Variants in CACNA2D1 observed in about 807,000 individuals in gnomAD.
The protein encoded by CACNA2D1 is voltage-dependent calcium channel subunit alpha-2/delta-1.
A neutral mutation model predicts 171.5 loss-of-function variants in CACNA2D1; 53 were observed. The ratio of observed to expected loss-of-function variants is 0.31; its 90% confidence interval spans 0.25 to 0.39. CACNA2D1 has a LOEUF of 0.39. CACNA2D1 is among the 10% of genes least tolerant of loss of function. The probability of loss-of-function intolerance (pLI) is 1.00; values close to 1 mark genes in which losing one functional copy is unlikely to be tolerated. For missense variants in CACNA2D1, 903 were observed against 1,299.8 expected, an observed-to-expected ratio of 0.69 and a Z score of 4.69; for synonymous variants, 442 against 443.1, an observed-to-expected ratio of 1.00 and a Z score of 0.03.
intron 3 of CACNA2D1, among the ~76,000 whole-genome samples, chr7:82,181,996 T>C (rs1488385696): frequency 6.6e-6 from 1 of 152,202 alleles, no homozygotes; most frequent in Non-Finnish European, 1.5e-5. Context: ...ATTAACAAAA[T>C]TTCATTTTGT....
intron 6 of CACNA2D1, among the ~76,000 whole-genome samples, chr7:82,092,861 C>T (rs377528725): frequency 4.0e-5 from 6 of 151,238 alleles, no homozygotes; most frequent in African/African-American, 1.5e-4. Flanking sequence ...TTCATTTAGA[C>T]CTTAAAAAGA....
chr7:82,159,408 G>C (rs192958182), intron 4 of CACNA2D1, among the ~76,000 whole-genome samples: 73 of 151,842 alleles, frequency 4.8e-4, no homozygotes, highest in Non-Finnish European at 8.6e-4. Context: ...AGCTACCTCA[G>C]CATCTTCTCC....
At chr7:82,136,916 A>T (rs1791687163) in intron 4 of CACNA2D1, among the ~76,000 whole-genome samples, 1 of 152,204 alleles carries the variant, frequency 6.6e-6, no homozygotes, top group Non-Finnish European at 1.5e-5. Context: ...CCCATTTGTC[A>T]AGAAAAAAAT....
chr7:82,134,165 G>A (rs919518422), intron 5 of CACNA2D1, among the ~76,000 whole-genome samples: 2 of 152,018 alleles, frequency 1.3e-5, no homozygotes, highest in African/African-American at 4.8e-5. Flanking sequence ...CTTATAGTAG[G>A]GTAAAAGTCA....
chr7:81,970,512 GAAATA>G (rs1440939923), intron 27 of CACNA2D1, among the ~76,000 whole-genome samples, 158 bp downstream of exon 27: 1 of 151,468 alleles, frequency 6.6e-6, no homozygotes, highest in African/African-American at 2.4e-5. Flanking sequence ...ATTTTTCAGA[GAAATA>G]AAATCTTTTA....
chr7:81,982,037 T>C (rs1205246337), intron 24 of CACNA2D1, among the ~76,000 whole-genome samples: 2 of 152,208 alleles, frequency 1.3e-5, no homozygotes, highest in African/African-American at 4.8e-5. Flanking sequence ...CACAATTTTC[T>C]ATTACTGTTG....
intron 22 of CACNA2D1, among the ~76,000 whole-genome samples, chr7:81,984,090 G>C (rs556863674): frequency 1.3e-4 from 20 of 152,160 alleles, no homozygotes; most frequent in African/African-American, 4.3e-4. Context: ...GCATTACTGA[G>C]ACATTAATTT....
At chr7:82,439,267 T>C (rs1328254762) in intron 1 of CACNA2D1, among the ~76,000 whole-genome samples, 2 of 152,086 alleles carry the variant, frequency 1.3e-5, no homozygotes, top group Non-Finnish European at 2.9e-5. Context: ...TACTCCTATA[T>C]ATACTAAATT....
chr7:82,397,746 C>A (rs1012360424), intron 1 of CACNA2D1, among the ~76,000 whole-genome samples: 3 of 152,156 alleles, frequency 2.0e-5, no homozygotes, highest in Admixed American at 1.3e-4. Flanking sequence ...CCCATTTAAT[C>A]ATCGTTACCA....
chr7:82,349,023 C>T (rs945605644), intron 2 of CACNA2D1, among the ~76,000 whole-genome samples: 10 of 152,058 alleles, frequency 6.6e-5, no homozygotes, highest in East Asian at 1.9e-4. Flanking sequence ...ATAGCTAATT[C>T]ATAAGTCACA....
chr7:82,005,731 A>G, intron 17 of CACNA2D1, 34 bp downstream of exon 17: 1 of 1,375,630 alleles, frequency 7.3e-7, no homozygotes, highest in Non-Finnish European at 1.0e-6. Context: ...GTTCTAAACT[A>G]GAAAGGGTAT....
At chr7:82,401,730 A>G (rs1018225979) in intron 1 of CACNA2D1, among the ~76,000 whole-genome samples, 3 of 152,132 alleles carry the variant, frequency 2.0e-5, no homozygotes, top group Non-Finnish European at 4.4e-5. Flanking sequence ...AAAAGAAATG[A>G]AAAGATAAAT....
At chr7:82,184,161 G>A (rs530262467) in intron 3 of CACNA2D1, among the ~76,000 whole-genome samples, 49 of 132,766 alleles carry the variant, frequency 3.7e-4, no homozygotes, top group East Asian at 3.4e-3. Flanking sequence ...TGGAAACATC[G>A]GTTTCCTCTT....
At chr7:82,192,446 ATG>A (rs1798400677) in intron 3 of CACNA2D1, among the ~76,000 whole-genome samples, 1 of 128,782 alleles carries the variant, frequency 7.8e-6, no homozygotes, top group African/African-American at 3.0e-5. Context: ...GTGTGTGTGT[ATG>A]TGTGTTTGTG....
chr7:82,179,575 T>A (rs2129166609), intron 3 of CACNA2D1, among the ~76,000 whole-genome samples: 1 of 152,230 alleles, frequency 6.6e-6, no homozygotes, highest in Non-Finnish European at 1.5e-5. Context: ...CAACCTAAGT[T>A]GCCCTAAAAT....
At chr7:82,226,043 G>C (rs1258796099) in intron 3 of CACNA2D1, among the ~76,000 whole-genome samples, 1 of 152,052 alleles carries the variant, frequency 6.6e-6, no homozygotes, top group Non-Finnish European at 1.5e-5. Context: ...TTTTTGAAAT[G>C]TATCAAATAG....
chr7:82,012,254 G>GAA lies in CACNA2D1; in HGVS notation c.1273-13_1273-12dup, dbSNP rs4019047. 3,964 of 1,217,952 alleles carry GAA rather than the reference G, an allele frequency of 3.3e-3. 11 individuals are homozygous for GAA. The highest frequency in any genetic ancestry group is 6.5e-3 in the Admixed American group (349 of 53,458). The allele number at this position is 1,217,952 out of a possible 1,614,324, so 75.4% of individuals were successfully genotyped here. A position where few individuals can be genotyped will look rare whatever the true frequency, so the allele number is the denominator to read the frequency against. On this transcript the variant is annotated splice_polypyrimidine_tract_variant and intron_variant, in intron 14 of 38. Transcript: ENST00000356860. ...AACATCCAAATATTCCTGTTTATGG[G>GAA]AAAAAAAAAAAAAGTCGTGGTTAAA...
chr7:82,381,638 C>G (rs1324016296), intron 1 of CACNA2D1, among the ~76,000 whole-genome samples: 1 of 152,100 alleles, frequency 6.6e-6, no homozygotes. Flanking sequence ...TTCAATAACT[C>G]AAGTATTGAA....
rs560672526 is a variant in CACNA2D1, at chr7:82,388,394, T to C, written c.96-38745A>G. Among the ~76,000 whole-genome samples, 19 of 152,344 alleles carry C rather than the reference T, an allele frequency of 1.2e-4. No individual in the cohort carries two copies. The South Asian group carries it at 3.9e-3, about 32-fold the overall frequency. The stretch of plus-strand genomic sequence containing the variant: ...CCAGATGTTTTGACCACGAATGCTC[T>C]TTTCTGAGAGCAAAACTCACAAAAT... On this transcript the variant is annotated intron_variant, in intron 1 of 38. Transcript: ENST00000356860.
Sources: allele counts gnomAD v4.1 joint callset (sites outside exome capture counted in the v4.1 genomes callset), GRCh38; gene constraint gnomAD v4.1.1; transcripts MANE v1.5; gene names NCBI Gene and HGNC (gene_info 2026-07-23, HGNC 2026-07-21).